The following FGFR1 variants were observed in gnomAD, a reference collection of about 807,000 sequenced individuals.
FGFR1 encodes FGFR1/PLAG1 fusion.
A neutral mutation model predicts 93.7 loss-of-function variants in FGFR1; 18 were observed. That is an observed-to-expected ratio of 0.19 (90% CI 0.13 to 0.28). The LOEUF (loss-of-function observed/expected upper bound fraction) is 0.28. Ranked by LOEUF, FGFR1 falls within the 10% of genes least tolerant of loss-of-function variation. The pLI is 1.00. For missense variants in FGFR1, 731 were observed against 1,080.4 expected (o/e 0.68, Z 4.53); for synonymous variants, 448 against 429.3 (o/e 1.04, Z -0.54).
chr8:38,446,920 C>T (rs1171240013), intron 2 of FGFR1, among the ~76,000 whole-genome samples: 1 of 152,144 alleles, frequency 6.6e-6, no homozygotes, highest in Non-Finnish European at 1.5e-5. Flanking sequence ...TCGGATCTGA[C>T]ACCTTGGGAA....
intron 2 of FGFR1, 46 bp downstream of exon 2, chr8:38,457,310 G>A (rs2151338378): frequency 5.6e-6 from 9 of 1,602,006 alleles, no homozygotes; most frequent in Non-Finnish European, 6.8e-6. Context: ...AGCCCATCCT[G>A]TTCCCAAGGC....
At position 38,414,917 on chromosome 8, in the gene FGFR1, G is replaced by T; in HGVS notation, c.1855-16C>A. 6.2e-7 allele frequency: 1 copy of T among 1,608,388 alleles called. No homozygotes were observed. Among genetic ancestry groups the T allele is most frequent in the Non-Finnish European group, 8.5e-7 (1 of 1,177,060 alleles). On this transcript the variant is annotated splice_polypyrimidine_tract_variant and intron_variant, in intron 13 of 17. Coordinates refer to ENST00000447712, the MANE Select transcript of FGFR1 (RefSeq NM_023110.3). ...GGTGTATGCACTGAGGAAGGAGGAA[G>T]GGAGAGCGGGAGGCGGGGAGGTGAG...
rs1822353538 is a variant in FGFR1 at position 38,429,960 on chromosome 8, A to G, written c.92-12T>C. On this transcript the variant is annotated splice_polypyrimidine_tract_variant and intron_variant, in intron 2 of 17. Transcript: ENST00000447712. The surrounding 1 kb of genome is among the most constrained non-coding windows in gnomAD (Gnocchi z 4.4). ...TCCCCAGGGCTGGGCTGCAGCCACC[A>G]CGGGGCCGGGAAGGGAAGCCAAGGG... The G allele has an allele frequency of 6.3e-7, 1 of 1,597,092 alleles. No homozygotes were observed.
Position 38,416,448 on chromosome 8 carries a change from ATTTTTTTTTTTT to A in FGFR1, c.1664-400_1664-389del, listed in dbSNP as rs57944426. Among the ~76,000 whole-genome samples, 62 of 80,932 alleles carry A rather than the reference ATTTTTTTTTTTT, an allele frequency of 7.7e-4. 1 individual carries two copies. The highest frequency in any genetic ancestry group is 3.0e-3 in the African/African-American group (57 of 19,320). 53.1% of individuals were successfully genotyped at this position (80,932 alleles called of 152,430 possible). On this transcript the variant is annotated intron_variant, in intron 12 of 17. Transcript: ENST00000447712. ...TACAGGCATGAACAATGCCTGGCTA[ATTTTTTTTTTTT>A]TTTTTTTTTTTTTTGAGATGGAGTT...
chr8:38,449,946 C>G (rs559016694), intron 2 of FGFR1, among the ~76,000 whole-genome samples: 13 of 152,342 alleles, frequency 8.5e-5, no homozygotes, highest in Admixed American at 3.3e-4. Context: ...CTTGGTGCCA[C>G]ACTGGCAATG....
At chr8:38,458,418 G>A (rs1040485476) in intron 1 of FGFR1, among the ~76,000 whole-genome samples, 1 of 152,112 alleles carries the variant, frequency 6.6e-6, no homozygotes, top group African/African-American at 2.4e-5. Flanking sequence ...GTACACACCT[G>A]TAATCCCAGC....
rs148750337 is a variant in FGFR1, at chr8:38,414,763, C to T, written c.1977+16G>A. 3 of 1,614,046 alleles carry T rather than the reference C, an allele frequency of 1.9e-6. No individual in the cohort carries two copies. Among genetic ancestry groups the T allele is most frequent in the Non-Finnish European group, 2.5e-6 (3 of 1,180,040 alleles). On this transcript the variant is annotated intron_variant, in intron 14 of 17. Transcript: ENST00000447712. ...AGATGAAACCACCAGCACAGGGCGG[C>T]CTTGTCGGCACTCACGTTGGTTGTC...
rs2150549947 is a variant in FGFR1 at position 38,414,585 on chromosome 8, G to C, written c.2022C>G (p.Asp674Glu). Residue 674 changes from aspartate to glutamate, a missense_variant, in exon 15 of 18, where the codon GAC (aspartate) becomes GAG (glutamate). Coordinates refer to ENST00000447712, the MANE Select transcript of FGFR1 (RefSeq NM_023110.3). ...VKWMAPEALF[D>E]RIYTHQSDVW... The stretch of plus-strand genomic sequence containing the variant: ...CATCACTCTGGTGGGTGTAGATCCG[G>C]TCAAATAATGCCTCGGGTGCCATCC... 3.1e-6 allele frequency: 5 copies of C among 1,613,580 alleles called. No individual in the cohort carries two copies. The highest frequency in any genetic ancestry group is 4.2e-6 in the Non-Finnish European group (5 of 1,179,870).
chr8:38,436,388 T>G (rs951311278), intron 2 of FGFR1, among the ~76,000 whole-genome samples: 1 of 151,576 alleles, frequency 6.6e-6, no homozygotes, highest in African/African-American at 2.4e-5. Flanking sequence ...ACAAAAAAAG[T>G]GCATTGTGAA....
At chr8:38,430,910 A>G (rs1184449926) in intron 2 of FGFR1, 2 of 152,212 alleles carry the variant, frequency 1.3e-5, no homozygotes, top group Non-Finnish European at 2.9e-5. Context: ...CGTGGCCCGG[A>G]CACACCTGAG....
At chr8:38,467,909 G>A (rs955922825) in intron 1 of FGFR1, 72 bp downstream of exon 1, 16 of 220,132 alleles carry the variant, frequency 7.3e-5, no homozygotes, top group Non-Finnish European at 1.4e-4. Context: ...GCGCGCAGCC[G>A]GGAGGCTCCG....
chr8:38,451,263 G>A (rs1430779961), intron 2 of FGFR1, among the ~76,000 whole-genome samples: 2 of 151,948 alleles, frequency 1.3e-5, no homozygotes, highest in Non-Finnish European at 2.9e-5. Context: ...GAGTAGGGGA[G>A]GGTCTTGCCT....
rs769679933 is a variant in FGFR1, at chr8:38,414,914, G to A, written c.1855-13C>T. The stretch of plus-strand genomic sequence containing the variant: ...CTCGGTGTATGCACTGAGGAAGGAG[G>A]AAGGGAGAGCGGGAGGCGGGGAGGT... On this transcript the variant is annotated splice_polypyrimidine_tract_variant and intron_variant, in intron 13 of 17. Transcript: ENST00000447712. 1.9e-6 allele frequency: 3 copies of A among 1,610,176 alleles called. No homozygotes were observed. The highest frequency in any genetic ancestry group is 2.7e-5 in the African/African-American group (2 of 74,992).
rs17182408 is a variant in FGFR1 at position 38,417,496 on chromosome 8, G to C, written c.1553-80C>G. 1.1e-4 allele frequency: 128 copies of C among 1,203,974 alleles called. No individual in the cohort carries two copies. The African/African-American group carries it at 1.5e-3, about 14-fold the overall frequency. 74.6% of individuals were successfully genotyped at this position (1,203,974 alleles called of 1,614,324 possible). A position where few individuals can be genotyped will look rare whatever the true frequency, so the allele number is the denominator to read the frequency against. On this transcript the variant is annotated intron_variant, in intron 11 of 17. Coordinates refer to ENST00000447712, the MANE Select transcript of FGFR1 (RefSeq NM_023110.3). ...AGGCTAAGGGAGTGGGGTATGTGTC[G>C]AGGGGCTGCTTTTCCCTGGGACTTG...
chr8:38,448,032 A>G (rs1202619896), intron 2 of FGFR1, among the ~76,000 whole-genome samples: 1 of 152,248 alleles, frequency 6.6e-6, no homozygotes, highest in East Asian at 1.9e-4. Flanking sequence ...GTTCTTAAGC[A>G]TAATGAAAAA....
chr8:38,421,595 C>T (rs959591906), intron 8 of FGFR1: 72 of 660,346 alleles, frequency 1.1e-4, no homozygotes, highest in Middle Eastern at 7.1e-4. Context: ...GGGAGGCCTC[C>T]GTGCGCCTGC....
intron 9 of FGFR1, chr8:38,418,633 G>A: frequency 1.8e-6 from 1 of 546,388 alleles, no homozygotes; most frequent in Non-Finnish European, 3.3e-6. Flanking sequence ...CTTCCAGCTT[G>A]ACATTTTATA....
chr8:38,463,626 G>A lies in FGFR1; in HGVS notation c.-89+4355C>T, dbSNP rs1383109463. Among the ~76,000 whole-genome samples, 4 of 152,084 alleles carry A rather than the reference G, an allele frequency of 2.6e-5. No homozygotes were observed. In the East Asian group the frequency reaches 7.7e-4, roughly 29 times the overall value. On this transcript the variant is annotated intron_variant, in intron 1 of 17. Coordinates refer to ENST00000447712, the MANE Select transcript of FGFR1 (RefSeq NM_023110.3). Reference sequence around the variant, plus strand: ...GTAAGTGAATGAAGGAAAAAAAAGGGCTGATGAAAAGAAACTGACAGAGAT... The same window carrying A: ...GTAAGTGAATGAAGGAAAAAAAAGGACTGATGAAAAGAAACTGACAGAGAT...
intron 1 of FGFR1, among the ~76,000 whole-genome samples, chr8:38,464,385 T>C (rs530174344): frequency 1.3e-5 from 2 of 151,222 alleles, no homozygotes; most frequent in Admixed American, 1.3e-4. Context: ...AACCTTGCTC[T>C]TGAAGACAGG....
Sources: allele counts gnomAD v4.1 joint callset (sites outside exome capture counted in the v4.1 genomes callset), GRCh38; gene constraint gnomAD v4.1.1; non-coding constraint Gnocchi (gnomAD v3.1); transcripts MANE v1.5; gene names NCBI Gene and HGNC (gene_info 2026-07-23, HGNC 2026-07-21).